Variants in ABI3BP observed in about 807,000 individuals in gnomAD.
ABI3BP encodes ABI family member 3 binding protein.
A neutral mutation model predicts 268.6 loss-of-function variants in ABI3BP; 216 were observed. The observed-to-expected ratio is 0.80, with a 90% CI of 0.72 to 0.90. The LOEUF (loss-of-function observed/expected upper bound fraction) is 0.90, where lower values mean the gene tolerates loss of function less well. ABI3BP is among the 40% of genes least tolerant of loss of function. ABI3BP has a pLI of 0.00. For missense variants in ABI3BP, 2,090 were observed against 2,182.4 expected (o/e 0.96, Z 0.84); for synonymous variants, 730 against 730.0 (o/e 1.00, Z 0.00).
chr3:100,824,717 G>A, intron 36 of ABI3BP, 141 bp downstream of exon 36: 1 of 565,830 alleles, frequency 1.8e-6, no homozygotes, highest in Non-Finnish European at 3.0e-6. Context: ...AAGCTGAGCA[G>A]AGGAGATGGT....
chr3:100,792,867 G>A (rs2097238800), intron 54 of ABI3BP, 99 bp from the exon 55 acceptor site: 2 of 976,080 alleles, frequency 2.0e-6, no homozygotes, highest in Admixed American at 2.2e-5. Context: ...AATAATAAAA[G>A]GATAAGTTGC....
rs1457552960 is a variant in ABI3BP at position 100,749,352 on chromosome 3, C to CTCTT, written c.*1139_*1142dup. The stretch of plus-strand genomic sequence containing the variant: ...ACTCAATCTTAAAAAAAAACTACAT[C>CTCTT]TCTTTATTGCAGAATTTATACTTGT... On this transcript the variant is annotated 3_prime_UTR_variant, in exon 68 of 68. Transcript: ENST00000471714. 10 of 292,808 alleles carry CTCTT rather than the reference C, an allele frequency of 3.4e-5. No individual in the cohort carries two copies. The highest frequency in any genetic ancestry group is 6.2e-5 in the Non-Finnish European group (10 of 160,018). 18.1% of individuals were successfully genotyped at this position (292,808 alleles called of 1,614,324 possible). A position where few individuals can be genotyped will look rare whatever the true frequency, so the allele number is the denominator to read the frequency against.
At position 100,765,961 on chromosome 3, in the gene ABI3BP, A is replaced by G. The variant is rs1478555245; in HGVS notation, c.4742-12T>C. ...TATAACTTCATATTCTGTAAAGCGA[A>G]AGAAGCCAACAGATACTTGTTTTTA... On this transcript the variant is annotated splice_polypyrimidine_tract_variant and intron_variant, in intron 62 of 67. Coordinates refer to ENST00000471714, the MANE Select transcript of ABI3BP (RefSeq NM_001375547.2). 1.3e-6 allele frequency: 2 copies of G among 1,581,022 alleles called. No individual in the cohort carries two copies. The highest frequency in any genetic ancestry group is 1.7e-6 in the Non-Finnish European group (2 of 1,154,024).
chr3:100,933,362 T>C (rs2064436023), intron 1 of ABI3BP, among the ~76,000 whole-genome samples: 1 of 151,852 alleles, frequency 6.6e-6, no homozygotes, highest in Non-Finnish European at 1.5e-5. Flanking sequence ...AACCCTATTC[T>C]TATCCATAGT....
chr3:100,971,365 G>T (rs993178990), intron 1 of ABI3BP, among the ~76,000 whole-genome samples: 23 of 152,156 alleles, frequency 1.5e-4, no homozygotes, highest in African/African-American at 5.3e-4. Context: ...CTTTACATAA[G>T]CATCGGTAAA....
At chr3:100,917,329 TGACCCACATGTGTCA>T (rs2058915301) in intron 2 of ABI3BP, among the ~76,000 whole-genome samples, 1 of 152,158 alleles carries the variant, frequency 6.6e-6, no homozygotes, top group Non-Finnish European at 1.5e-5. Context: ...GCACTTGGTA[TGACCCACATGTGTCA>T]GAGAGCACTG....
At chr3:100,927,290 T>A (rs899221851) in intron 1 of ABI3BP, among the ~76,000 whole-genome samples, 1 of 152,148 alleles carries the variant, frequency 6.6e-6, no homozygotes, top group South Asian at 2.1e-4. Context: ...AGGAAACACA[T>A]TGTCTTTTGC....
intron 61 of ABI3BP, 52 bp downstream of exon 61, chr3:100,774,553 C>T (rs1394451645): frequency 4.3e-6 from 6 of 1,408,040 alleles, no homozygotes; most frequent in Middle Eastern, 1.8e-4. Context: ...GGCTGATACA[C>T]CTACCAAAAA....
chr3:100,787,748 C>G lies in ABI3BP; in HGVS notation c.4142G>C (p.Ser1381Thr), dbSNP rs148646580. 39 of 1,532,214 alleles carry G rather than the reference C, an allele frequency of 2.5e-5. No homozygotes were observed. Among genetic ancestry groups the G allele is most frequent in the Non-Finnish European group, 3.1e-5 (35 of 1,144,954 alleles). The allele number at this position is 1,532,214 out of a possible 1,614,324, so 94.9% of individuals were successfully genotyped here. ...ATTACCTGTTCCCACTCCATTCCCA[C>G]TGGGCATCCCACTGGGTTTGGGCCT... ...PTRPKPSGMP[S>T]GNGVGTGVKQ... Residue 1381 changes from serine (S) to threonine (T), a missense_variant, in exon 57 of 68, where the codon AGT (serine) becomes ACT (threonine). Physicochemically the swap from Ser to Thr is moderately conservative, Grantham distance 58. Coordinates refer to ENST00000471714, the MANE Select transcript of ABI3BP (RefSeq NM_001375547.2).
rs75665115 is a variant in ABI3BP at position 100,914,140 on chromosome 3, G to A, written c.260-11454C>T. 2.3e-3 allele frequency among the ~76,000 whole-genome samples: 353 copies of A among 151,874 alleles called. 11 individuals carry two copies. In the East Asian group the frequency reaches 0.06, roughly 26 times the overall value. Reference sequence around the variant, plus strand: ...AATAAGTCCTATTTGTAGGACTGTTGTTTTTTTCCTCAGAAAAAGTATGTT... The same window carrying A: ...AATAAGTCCTATTTGTAGGACTGTTATTTTTTTCCTCAGAAAAAGTATGTT... On this transcript the variant is annotated intron_variant, in intron 2 of 67. Transcript: ENST00000471714.
chr3:100,776,869 C>A (rs1289003594), intron 59 of ABI3BP, among the ~76,000 whole-genome samples: 1 of 152,204 alleles, frequency 6.6e-6, no homozygotes, highest in African/African-American at 2.4e-5. Flanking sequence ...CCTTAAGGCA[C>A]ACAGCCTCAC....
intron 1 of ABI3BP, among the ~76,000 whole-genome samples, chr3:100,981,829 T>C (rs1053304699): frequency 6.6e-6 from 1 of 152,122 alleles, no homozygotes; most frequent in Admixed American, 6.5e-5. Context: ...TCAGACACTC[T>C]AGACTTTGAC....
At chr3:100,977,737 A>G (rs1377220777) in intron 1 of ABI3BP, among the ~76,000 whole-genome samples, 3 of 152,210 alleles carry the variant, frequency 2.0e-5, no homozygotes, top group Non-Finnish European at 4.4e-5. Context: ...TTCAGTGTGC[A>G]AGGGGACTAT....
At chr3:100,920,853 C>T (rs9847485) in intron 2 of ABI3BP, among the ~76,000 whole-genome samples, 19,477 of 152,210 alleles carry the variant, frequency 0.13, 1,437 homozygotes, top group Middle Eastern at 0.19. Flanking sequence ...CACAATAAGT[C>T]GTGTTGAATT....
chr3:100,833,746 C>G (rs144420985), intron 29 of ABI3BP, among the ~76,000 whole-genome samples: 2 of 152,146 alleles, frequency 1.3e-5, no homozygotes, highest in Non-Finnish European at 2.9e-5. Flanking sequence ...GTTAGGAGAG[C>G]GTGCTGGAGC....
At chr3:100,795,762 T>A (rs1243740851) in intron 53 of ABI3BP, 42 bp downstream of exon 53, 1 of 1,258,006 alleles carries the variant, frequency 7.9e-7, no homozygotes, top group Non-Finnish European at 1.0e-6. Context: ...ATCTTGATGG[T>A]AGCAAAGAAA....
intron 4 of ABI3BP, among the ~76,000 whole-genome samples, chr3:100,886,952 T>C (rs935049509): frequency 2.0e-5 from 3 of 152,050 alleles, no homozygotes; most frequent in Admixed American, 1.3e-4. Flanking sequence ...CATATATACA[T>C]AAATATACAC....
intron 19 of ABI3BP, 23 bp from the exon 20 acceptor site, chr3:100,846,469 T>G (rs2152988175): frequency 1.3e-6 from 2 of 1,526,408 alleles, no homozygotes; most frequent in East Asian, 4.8e-5. Flanking sequence ...AGAAACAAAA[T>G]AATAAACAAA....
chr3:100,880,732 A>G (rs963816107), intron 6 of ABI3BP, among the ~76,000 whole-genome samples: 1 of 152,150 alleles, frequency 6.6e-6, no homozygotes, highest in Non-Finnish European at 1.5e-5. Context: ...ACCACCACAC[A>G]TGACAAGGAA....
Sources: gnomAD v4.1 joint callset for allele counts (sites outside exome capture counted in the v4.1 genomes callset) on GRCh38, gnomAD v4.1.1 for gene constraint, MANE v1.5 for transcripts, NCBI Gene and HGNC (gene_info 2026-07-23, HGNC 2026-07-21) for gene names.